Variants in STK32A observed in about 807,000 individuals in gnomAD.
The protein encoded by STK32A is serine/threonine kinase 32A, also known as serine/threonine-protein kinase 32A.
A neutral mutation model predicts 53.2 loss-of-function variants in STK32A; 41 were observed. The observed-to-expected ratio is 0.77, with a 90% CI of 0.60 to 1.00. The LOEUF (loss-of-function observed/expected upper bound fraction) is 1.00, where lower values mean the gene tolerates loss of function less well. Ranked by LOEUF, STK32A falls within the 50% of genes least tolerant of loss-of-function variation. The probability of loss-of-function intolerance (pLI) is 0.00; values close to 1 mark genes in which losing one functional copy is unlikely to be tolerated. For missense variants in STK32A, 458 were observed against 485.8 expected, an observed-to-expected ratio of 0.94 and a Z score of 0.54; for synonymous variants, 166 against 162.8, an observed-to-expected ratio of 1.02 and a Z score of -0.15.
At chr5:147,328,113 C>T (rs1754690439) in intron 5 of STK32A, among the ~76,000 whole-genome samples, 1 of 152,208 alleles carries the variant, frequency 6.6e-6, no homozygotes, top group Admixed American at 6.5e-5. Flanking sequence ...AAGCAAGTCT[C>T]ATGAGAGCTC....
intron 7 of STK32A, among the ~76,000 whole-genome samples, chr5:147,354,727 T>C (rs547708221): frequency 1.3e-5 from 2 of 152,328 alleles, no homozygotes; most frequent in South Asian, 2.1e-4. Context: ...TGGCTAATAA[T>C]TGAAAAGTCT....
intron 4 of STK32A, among the ~76,000 whole-genome samples, chr5:147,322,920 T>C (rs1754389098): frequency 6.6e-6 from 1 of 152,178 alleles, no homozygotes. Flanking sequence ...GGTCCTGTTA[T>C]GGGATCCGGA....
At chr5:147,238,420 G>C (rs1753416735) in intron 1 of STK32A, among the ~76,000 whole-genome samples, 1 of 152,166 alleles carries the variant, frequency 6.6e-6, no homozygotes, top group East Asian at 1.9e-4. Context: ...CTAGAGGTGA[G>C]AGGTTACATA....
chr5:147,320,445 TTTGA>T (rs1252565962), intron 4 of STK32A, among the ~76,000 whole-genome samples: 2 of 151,288 alleles, frequency 1.3e-5, no homozygotes, highest in Non-Finnish European at 3.0e-5. Flanking sequence ...CCTTTCTTTC[TTTGA>T]TTCATTGATT....
chr5:147,395,438 G>T, the STK32A span: 1 of 1,230,270 alleles, frequency 8.1e-7, no homozygotes. Flanking sequence ...CCCTAAAGTT[G>T]ACACCAGTGC....
Position 147,384,162 on chromosome 5 carries a change from T to C in STK32A, c.*179T>C, listed in dbSNP as rs1355160305. On this transcript the variant is annotated 3_prime_UTR_variant, in exon 13 of 13. Transcript: ENST00000397936. ...GGGTCCTGGGCCTGAGCTCCTGGGATGTCATTTCACATCAATCAACTGTGT... is the reference window on the plus strand; with the variant it reads ...GGGTCCTGGGCCTGAGCTCCTGGGACGTCATTTCACATCAATCAACTGTGT... The C allele has an allele frequency of 6.9e-7, 1 of 1,446,680 alleles. No individual in the cohort carries two copies. Among genetic ancestry groups the C allele is most frequent in the African/African-American group, 1.5e-5 (1 of 68,398 alleles). 89.6% of individuals were successfully genotyped at this position (1,446,680 alleles called of 1,614,324 possible). A position where few individuals can be genotyped will look rare whatever the true frequency, so the allele number is the denominator to read the frequency against.
intron 11 of STK32A, among the ~76,000 whole-genome samples, chr5:147,382,503 T>C (rs1207285131): frequency 6.6e-6 from 1 of 152,166 alleles, no homozygotes; most frequent in Non-Finnish European, 1.5e-5. Context: ...TGGCATGCCT[T>C]GTTATTTTTT....
chr5:147,379,545 C>A (rs1198698736), intron 11 of STK32A, among the ~76,000 whole-genome samples: 1 of 152,064 alleles, frequency 6.6e-6, no homozygotes, highest in Admixed American at 6.6e-5. Flanking sequence ...CACTTCCTGA[C>A]TCCTAGCCTT....
intron 2 of STK32A, among the ~76,000 whole-genome samples, chr5:147,275,511 A>G (rs980368012): frequency 7.9e-5 from 12 of 152,068 alleles, no homozygotes; most frequent in African/African-American, 2.9e-4. Context: ...TTTTGTAGAG[A>G]TGGGGCCTCA....
rs768167953 is a variant in STK32A at position 147,370,728 on chromosome 5, C to A, written c.735C>A (p.Tyr245Ter). Residue 245 changes from tyrosine to a stop codon, truncating the protein, a stop_gained, in exon 9 of 13, where the codon TAC (tyrosine) becomes TAA (stop). Coordinates refer to ENST00000397936, the MANE Select transcript of STK32A (RefSeq NM_001112724.2). LOFTEE classifies it high-confidence loss of function. ...VHTFETTVVT[Y>*]PSAWSQEMVS... ...CGTTTGAGACGACTGTTGTAACTTA[C>A]CCTTCTGCCTGGTCACAGGAAATGG... 1.7e-5 allele frequency: 28 copies of A among 1,612,460 alleles called. No individual in the cohort carries two copies. The highest frequency in any genetic ancestry group is 2.3e-5 in the Non-Finnish European group (27 of 1,178,810).
At chr5:147,348,620 T>C (rs1027432802) in intron 6 of STK32A, 4 of 731,828 alleles carry the variant, frequency 5.5e-6, no homozygotes, top group Non-Finnish European at 7.7e-6. Flanking sequence ...TGGAAATCTA[T>C]GCAGACTAAA....
At chr5:147,390,279 G>A (rs530094524), downstream of STK32A, among the ~76,000 whole-genome samples, 6 of 152,238 alleles carry the variant, frequency 3.9e-5, no homozygotes, top group East Asian at 5.8e-4. Context: ...TCAAGTTGCC[G>A]ATATGTACCT....
Position 147,292,924 on chromosome 5 carries a change from G to A in STK32A, c.260+13526G>A, listed in dbSNP as rs577634818. 1.4e-4 allele frequency among the ~76,000 whole-genome samples: 21 copies of A among 152,138 alleles called. No individual in the cohort carries two copies. The South Asian group carries it at 4.4e-3, about 32-fold the overall frequency. ...GTTCCATGTAGTTAACTCTTGTTCT[G>A]TTTGATATTGGGTTAGCAATCTTCA... On this transcript the variant is annotated intron_variant, in intron 4 of 12. Transcript: ENST00000397936.
chr5:147,390,426 A>G (rs1047233135), downstream of STK32A, among the ~76,000 whole-genome samples: 1 of 151,868 alleles, frequency 6.6e-6, no homozygotes, highest in Non-Finnish European at 1.5e-5. Context: ...TATTAAAAAG[A>G]AGCAGAAAAT....
chr5:147,310,631 G>A (rs979230707), intron 4 of STK32A, among the ~76,000 whole-genome samples: 13 of 152,172 alleles, frequency 8.5e-5, no homozygotes, highest in African/African-American at 3.1e-4. Flanking sequence ...ATCGGTCTAT[G>A]ATTGTCATGG....
At chr5:147,239,506 A>G (rs1236403386) in intron 1 of STK32A, 33 bp from the exon 2 acceptor site, 24 of 681,562 alleles carry the variant, frequency 3.5e-5, no homozygotes, top group Non-Finnish European at 5.3e-5. Context: ...AGTATAGCAT[A>G]TTATTAGGGT....
intron 2 of STK32A, among the ~76,000 whole-genome samples, chr5:147,245,103 T>C (rs1753724584): frequency 6.6e-6 from 1 of 152,214 alleles, no homozygotes; most frequent in South Asian, 2.1e-4. Flanking sequence ...AGCCAAGTTA[T>C]TGACTGCACA....
At chr5:147,263,841 G>C (rs1418073529) in intron 2 of STK32A, among the ~76,000 whole-genome samples, 2 of 152,014 alleles carry the variant, frequency 1.3e-5, no homozygotes, top group Admixed American at 1.3e-4. Context: ...AAGAACATAA[G>C]TTTTCAGATT....
At chr5:147,238,198 G>T (rs1227688603) in intron 1 of STK32A, among the ~76,000 whole-genome samples, 1 of 152,256 alleles carries the variant, frequency 6.6e-6, no homozygotes, top group Non-Finnish European at 1.5e-5. Context: ...TTGGGGGATA[G>T]ATCTGAAGAT....
Sources: gnomAD v4.1 joint callset for allele counts (sites outside exome capture counted in the v4.1 genomes callset) on GRCh38, gnomAD v4.1.1 for gene constraint, MANE v1.5 for transcripts, NCBI Gene and HGNC (gene_info 2026-07-23, HGNC 2026-07-21) for gene names.